Variants in MEGF11 observed in about 807,000 individuals in gnomAD.
The protein encoded by MEGF11 is multiple epidermal growth factor-like domains protein 11.
In MEGF11, 126 loss-of-function variants were observed where a neutral mutation model predicts 146.6. That is an observed-to-expected ratio of 0.86 (90% CI 0.74 to 1.00). The LOEUF (loss-of-function observed/expected upper bound fraction) is 1.00, where lower values mean the gene tolerates loss of function less well. Among genes scored for constraint, MEGF11 ranks in the 50% least tolerant of loss-of-function variants. The pLI is 0.00. For missense variants in MEGF11, 1,509 were observed against 1,521.2 expected (o/e 0.99, Z 0.13); for synonymous variants, 532 against 583.4 (o/e 0.91, Z 1.27).
intron 6 of MEGF11, among the ~76,000 whole-genome samples, 182 bp from the exon 7 acceptor site, chr15:65,981,080 T>C (rs920275249): frequency 8.5e-5 from 13 of 152,140 alleles, no homozygotes; most frequent in African/African-American, 2.7e-4. Context: ...CTGAATACAT[T>C]GGAATGTAGG....
At chr15:66,252,832 C>T (rs2092395178) in intron 1 of MEGF11, among the ~76,000 whole-genome samples, 1 of 152,230 alleles carries the variant, frequency 6.6e-6, no homozygotes, top group Non-Finnish European at 1.5e-5. Flanking sequence ...CACGGCTGGG[C>T]GAGAAGTTGG....
intron 10 of MEGF11, among the ~76,000 whole-genome samples, chr15:65,944,681 CT>C (rs2080126160): frequency 6.6e-6 from 1 of 152,124 alleles, no homozygotes; most frequent in Admixed American, 6.5e-5. Context: ...TCCTCTCTGG[CT>C]GAGAGTCTAG....
At chr15:66,013,454 A>T (rs576255764) in intron 5 of MEGF11, among the ~76,000 whole-genome samples, 19 of 148,812 alleles carry the variant, frequency 1.3e-4, no homozygotes, top group African/African-American at 4.8e-4. Flanking sequence ...GTCCTTGGGG[A>T]TACAGAAGGA....
At position 66,003,003 on chromosome 15, in the gene MEGF11, T is replaced by C. The variant is rs567313381; in HGVS notation, c.395-20515A>G. On this transcript the variant is annotated intron_variant, in intron 5 of 25. Transcript: ENST00000395614. ...TTCTTTTCTTTCTTTTTTCTTTTTTTTTTTTGAGATAGAGTCTAGCTCTGT... is the reference window on the plus strand; with the variant it reads ...TTCTTTTCTTTCTTTTTTCTTTTTTCTTTTTGAGATAGAGTCTAGCTCTGT... 1.8e-4 allele frequency among the ~76,000 whole-genome samples: 23 copies of C among 131,366 alleles called. No individual in the cohort carries two copies. The East Asian group carries it at 2.9e-3, about 17-fold the overall frequency. 86.2% of individuals were successfully genotyped at this position (131,366 alleles called of 152,430 possible). A position where few individuals can be genotyped will look rare whatever the true frequency, so the allele number is the denominator to read the frequency against.
chr15:66,034,344 A>G (rs2083644354), intron 5 of MEGF11, among the ~76,000 whole-genome samples: 1 of 151,230 alleles, frequency 6.6e-6, no homozygotes, highest in Non-Finnish European at 1.5e-5. Flanking sequence ...GGATGGAATG[A>G]ATATATTTTA....
Position 66,224,654 on chromosome 15 carries a change from TATATATAAAGTATATATTTATATATA to T in MEGF11, c.-9+28925_-9+28950del, listed in dbSNP as rs200548176. 5.6e-4 allele frequency among the ~76,000 whole-genome samples: 81 copies of T among 145,410 alleles called. No homozygotes were observed. In the East Asian group the frequency reaches 0.013, roughly 23 times the overall value. ...ATTATTACTTATTATATTATATATT[TATATATAAAGTATATATTTATATATA>T]ATATATAAAGTATATATATTTTATA... On this transcript the variant is annotated intron_variant, in intron 1 of 25. Transcript: ENST00000395614.
chr15:66,025,029 G>A (rs140251840), intron 5 of MEGF11, among the ~76,000 whole-genome samples: 1 of 152,044 alleles, frequency 6.6e-6, no homozygotes, highest in Non-Finnish European at 1.5e-5. Context: ...ATCTGCAGGA[G>A]ATCAAAGCTG....
intron 1 of MEGF11, among the ~76,000 whole-genome samples, chr15:66,242,341 C>T (rs373528330): frequency 1.1e-4 from 16 of 148,550 alleles, no homozygotes; most frequent in Admixed American, 2.0e-4. Flanking sequence ...CCTGGGATGT[C>T]GAGGTTGCAG....
At chr15:66,017,126 A>C (rs2082915511) in intron 5 of MEGF11, among the ~76,000 whole-genome samples, 1 of 152,202 alleles carries the variant, frequency 6.6e-6, no homozygotes, top group African/African-American at 2.4e-5. Context: ...TATCATAAGC[A>C]GTAGGGGACG....
chr15:66,050,540 T>A (rs1172066997), intron 5 of MEGF11, among the ~76,000 whole-genome samples: 1 of 151,836 alleles, frequency 6.6e-6, no homozygotes, highest in African/African-American at 2.4e-5. Context: ...GTGAGAGAGG[T>A]GGGTAAGGAT....
In MEGF11 at chr15:66,000,373, T is replaced by C. The variant is rs1486749819; in HGVS notation, c.395-17885A>G. On this transcript the variant is annotated intron_variant, in intron 5 of 25. Transcript: ENST00000395614. Reference sequence around the variant, plus strand: ...GTGAGACCCTGTCTCTACAAAAAAATTTTTAAATATTAGCTGGACATGGTG... The same window carrying C: ...GTGAGACCCTGTCTCTACAAAAAAACTTTTAAATATTAGCTGGACATGGTG... 2.0e-5 allele frequency among the ~76,000 whole-genome samples: 3 copies of C among 152,074 alleles called. No individual in the cohort carries two copies. The East Asian group carries it at 5.8e-4, about 29-fold the overall frequency.
At chr15:66,106,598 A>G (rs1325447811) in intron 4 of MEGF11, among the ~76,000 whole-genome samples, 1 of 152,198 alleles carries the variant, frequency 6.6e-6, no homozygotes, top group Non-Finnish European at 1.5e-5. Context: ...TAATTTGCCC[A>G]GAGTCACACA....
At chr15:66,049,202 G>A (rs1027718697) in intron 5 of MEGF11, among the ~76,000 whole-genome samples, 10 of 152,224 alleles carry the variant, frequency 6.6e-5, no homozygotes, top group Non-Finnish European at 7.3e-5. Flanking sequence ...CAAACCAGGC[G>A]AGGATCCACT....
Position 66,211,453 on chromosome 15 carries a change from G to A in MEGF11, c.-9+42152C>T, listed in dbSNP as rs540087192. 7.3e-5 allele frequency among the ~76,000 whole-genome samples: 11 copies of A among 151,318 alleles called. No homozygotes were observed. In the South Asian group the frequency reaches 2.1e-3, roughly 29 times the overall value. On this transcript the variant is annotated intron_variant, in intron 1 of 25. Coordinates refer to ENST00000395614, the MANE Select transcript of MEGF11 (RefSeq NM_001385028.1). ...GCAGGAAAATGGCGTGAACCCGGGA[G>A]GGGGAGCTTGCAGTGAGCCAAGATG... is the stretch of plus-strand genomic sequence containing the variant.
intron 3 of MEGF11, among the ~76,000 whole-genome samples, chr15:66,122,444 A>T (rs1271137341): frequency 6.6e-6 from 1 of 152,230 alleles, no homozygotes; most frequent in Non-Finnish European, 1.5e-5. Context: ...TTCTCAGCAC[A>T]GAACGAGTTT....
At chr15:65,970,939 G>C in intron 7 of MEGF11, 1 of 522,582 alleles carries the variant, frequency 1.9e-6, no homozygotes, top group East Asian at 3.3e-5. Context: ...TGAGACACTA[G>C]GGGTGATTCG....
Position 65,915,486 on chromosome 15 carries a change from T to G in MEGF11, c.2457A>C (p.Gly819=). Reference sequence around the variant, plus strand: ...GTGTATTACCTTGGTCACACCTGATTCCTTTGAAGCCAGGGCTGCAGTAAC... The same window carrying G: ...GTGTATTACCTTGGTCACACCTGATGCCTTTGAAGCCAGGGCTGCAGTAAC... ...GTCYCSPGFK[G]IRCDQAALMM... The change falls in exon 19 of 26, where the codon GGA becomes GGC. Residue 819 remains glycine (G), a synonymous_variant. Transcript: ENST00000395614. The G allele has an allele frequency of 6.2e-7, 1 of 1,613,922 alleles. No individual in the cohort carries two copies. Among genetic ancestry groups the G allele is most frequent in the African/African-American group, 1.3e-5 (1 of 75,048 alleles).
intron 7 of MEGF11, among the ~76,000 whole-genome samples, chr15:65,977,152 T>C (rs918034699): frequency 2.5e-5 from 2 of 78,764 alleles, no homozygotes; most frequent in African/African-American, 3.9e-5. Context: ...CTGGGCAAGA[T>C]TGAGACTCCG....
intron 4 of MEGF11, among the ~76,000 whole-genome samples, chr15:66,110,320 C>T (rs114228904): frequency 1.3e-5 from 2 of 152,274 alleles, no homozygotes; most frequent in South Asian, 2.1e-4. Flanking sequence ...GTTAAGCATC[C>T]GTATTTATGA....
Sources: allele counts gnomAD v4.1 joint callset (sites outside exome capture counted in the v4.1 genomes callset), GRCh38; gene constraint gnomAD v4.1.1; transcripts MANE v1.5; gene names NCBI Gene and HGNC (gene_info 2026-07-23, HGNC 2026-07-21).